Variants in WDR49 observed in about 807,000 individuals in gnomAD.
WDR49 encodes the protein cilia- and flagella-associated protein 337.
A neutral mutation model predicts 119.5 loss-of-function variants in WDR49; 107 were observed. The ratio of observed to expected loss-of-function variants is 0.90; its 90% CI spans 0.77 to 1.05. The LOEUF (loss-of-function observed/expected upper bound fraction) is 1.05. Ranked by LOEUF, WDR49 falls within the 50% of genes least tolerant of loss-of-function variation. The probability of loss-of-function intolerance (pLI) is 0.00; values close to 1 mark genes in which losing one functional copy is unlikely to be tolerated. For synonymous variants in WDR49, 425 were observed against 418.8 expected (o/e 1.01, Z -0.18); for missense variants, 1,240 against 1,220.5 (o/e 1.02, Z -0.24).
intron 7 of WDR49, among the ~76,000 whole-genome samples, chr3:167,585,746 ATAT>A (rs1714778707): frequency 6.6e-6 from 1 of 151,954 alleles, no homozygotes; most frequent in South Asian, 2.1e-4. Flanking sequence ...TTATAATGAC[ATAT>A]TATTATAATA....
At chr3:167,559,768 T>C (rs1298728132) in intron 9 of WDR49, among the ~76,000 whole-genome samples, 1 of 152,188 alleles carries the variant, frequency 6.6e-6, no homozygotes, top group Non-Finnish European at 1.5e-5. Flanking sequence ...GGCATCGTAT[T>C]CCCCAAAGTA....
chr3:167,565,267 A>G (rs888960423), intron 8 of WDR49, among the ~76,000 whole-genome samples: 1 of 151,972 alleles, frequency 6.6e-6, no homozygotes, highest in African/African-American at 2.4e-5. Context: ...TACCTGTAAT[A>G]TGCAAGGCCC....
At chr3:167,493,774 C>G (rs1290036190) in intron 18 of WDR49, among the ~76,000 whole-genome samples, 1 of 152,074 alleles carries the variant, frequency 6.6e-6, no homozygotes, top group African/African-American at 2.4e-5. Context: ...TATTCTTTTT[C>G]CTTTCTATGA....
At chr3:167,642,149 AC>A in intron 2 of WDR49, among the ~76,000 whole-genome samples, 2 of 152,028 alleles carry the variant, frequency 1.3e-5, no homozygotes, top group Middle Eastern at 6.8e-3. Flanking sequence ...TAAAATCAAA[AC>A]AAAGATTTTT....
chr3:167,479,406 C>T (rs1267736342), intron 18 of WDR49, among the ~76,000 whole-genome samples: 1 of 151,978 alleles, frequency 6.6e-6, no homozygotes, highest in Non-Finnish European at 1.5e-5. Flanking sequence ...TAAACAAGCG[C>T]ATCTATAATC....
In WDR49 at chr3:167,624,300, G is replaced by C. The variant is rs182663984; in HGVS notation, c.606+2552C>G. On this transcript the variant is annotated intron_variant, in intron 3 of 18. Transcript: ENST00000682715. ...TGCAGAGCAATAAAAAAAACTAGTA[G>C]TATACCTCAAAACGTGGATAATTCT... 1.8e-3 allele frequency among the ~76,000 whole-genome samples: 266 copies of C among 150,504 alleles called. 4 individuals carry two copies. The highest frequency in any genetic ancestry group is 6.3e-3 in the African/African-American group (260 of 40,952).
At chr3:167,565,311 AG>A (rs1450175561) in intron 8 of WDR49, among the ~76,000 whole-genome samples, 1 of 151,546 alleles carries the variant, frequency 6.6e-6, no homozygotes, top group Non-Finnish European at 1.5e-5. Flanking sequence ...GCAGTGAATA[AG>A]TTCTGCTCTT....
At chr3:167,479,481 T>C (rs184759601) in intron 18 of WDR49, among the ~76,000 whole-genome samples, 1 of 152,318 alleles carries the variant, frequency 6.6e-6, no homozygotes. Flanking sequence ...AGTGGTTATA[T>C]TGCGCATCAG....
chr3:167,568,958 T>G (rs2108277648), intron 8 of WDR49, among the ~76,000 whole-genome samples: 1 of 152,148 alleles, frequency 6.6e-6, no homozygotes, highest in Middle Eastern at 3.4e-3. Context: ...TTTTTTTTTT[T>G]TGAGACAAGA....
chr3:167,485,450 T>A (rs535187164), intron 18 of WDR49, among the ~76,000 whole-genome samples: 1 of 152,050 alleles, frequency 6.6e-6, no homozygotes, highest in Non-Finnish European at 1.5e-5. Context: ...GAATTCAGCA[T>A]CTGGATGGCA....
intron 7 of WDR49, among the ~76,000 whole-genome samples, chr3:167,594,204 T>C (rs1715290714): frequency 1.3e-5 from 2 of 152,074 alleles, no homozygotes; most frequent in South Asian, 4.1e-4. Flanking sequence ...GTTGGAAAAG[T>C]TTGAAGGGCT....
At position 167,506,287 on chromosome 3, in the gene WDR49, C is replaced by G. The variant is rs554670390; in HGVS notation, c.2775-871G>C. ...GAGTTGTTTCCCATACTTTCAGCCT[C>G]AATTTTCCCCTCAATGTAATGGGAC... On this transcript the variant is annotated intron_variant, in intron 16 of 18. Transcript: ENST00000682715. 1.1e-4 allele frequency among the ~76,000 whole-genome samples: 17 copies of G among 152,214 alleles called. No homozygotes were observed. In the South Asian group the frequency reaches 2.5e-3, roughly 22 times the overall value.
chr3:167,512,581 A>G (rs1752020728), intron 16 of WDR49, among the ~76,000 whole-genome samples: 1 of 152,236 alleles, frequency 6.6e-6, no homozygotes, highest in African/African-American at 2.4e-5. Context: ...ACACCTCTCC[A>G]GAAACGGCAC....
intron 18 of WDR49, among the ~76,000 whole-genome samples, chr3:167,481,211 A>G (rs1362264673): frequency 6.6e-6 from 1 of 152,240 alleles, no homozygotes; most frequent in Non-Finnish European, 1.5e-5. Context: ...TCAATACATG[A>G]GCCACCACCA....
At chr3:167,623,828 C>T (rs1302118724) in intron 3 of WDR49, among the ~76,000 whole-genome samples, 6 of 151,928 alleles carry the variant, frequency 3.9e-5, no homozygotes, top group Non-Finnish European at 5.9e-5. Flanking sequence ...TACTCAAAAA[C>T]ACTACAGAAC....
intron 15 of WDR49, 67 bp downstream of exon 15, chr3:167,527,753 G>C: frequency 1.4e-6 from 2 of 1,455,218 alleles, no homozygotes; most frequent in Non-Finnish European, 1.9e-6. Flanking sequence ...GATTCAAATA[G>C]AAATCAGCCC....
At chr3:167,639,725 C>T (rs1342233301) in intron 2 of WDR49, among the ~76,000 whole-genome samples, 2 of 151,818 alleles carry the variant, frequency 1.3e-5, no homozygotes, top group Non-Finnish European at 2.9e-5. Flanking sequence ...ACTGTCAGCT[C>T]TTTCTTGCTG....
intron 7 of WDR49, among the ~76,000 whole-genome samples, chr3:167,577,631 C>T (rs774448219): frequency 1.1e-4 from 17 of 151,972 alleles, no homozygotes; most frequent in African/African-American, 2.2e-4. Flanking sequence ...GCCTGTAATG[C>T]GTTCAATGAA....
At chr3:167,521,066 G>A (rs914482078) in intron 16 of WDR49, among the ~76,000 whole-genome samples, 2 of 152,190 alleles carry the variant, frequency 1.3e-5, no homozygotes, top group Admixed American at 6.5e-5. Flanking sequence ...CAGGCAAAAA[G>A]CTGTACCTGG....
Sources: allele counts gnomAD v4.1 joint callset (sites outside exome capture counted in the v4.1 genomes callset), GRCh38; gene constraint gnomAD v4.1.1; transcripts MANE v1.5; gene names NCBI Gene and HGNC (gene_info 2026-07-23, HGNC 2026-07-21).